The following IMMP2L variants were observed in gnomAD, a reference collection of about 807,000 sequenced individuals.
The protein encoded by IMMP2L is mitochondrial inner membrane protease subunit 2.
In IMMP2L, 18 loss-of-function variants were observed where a neutral mutation model predicts 19.3. That is an observed-to-expected ratio of 0.93 (90% CI 0.64 to 1.38). The LOEUF (loss-of-function observed/expected upper bound fraction) is 1.38, where lower values mean the gene tolerates loss of function less well. IMMP2L is among the 40% of genes most tolerant of loss of function. IMMP2L has a pLI of 0.00. For missense variants in IMMP2L, 233 were observed against 218.2 expected (o/e 1.07, Z -0.43); for synonymous variants, 76 against 73.0 (o/e 1.04, Z -0.21).
At chr7:110,681,836 C>A (rs1295985258) in intron 5 of IMMP2L, among the ~76,000 whole-genome samples, 2 of 151,744 alleles carry the variant, frequency 1.3e-5, no homozygotes, top group Admixed American at 1.3e-4. Flanking sequence ...GTAATTCAAG[C>A]CATTGAAGGA....
chr7:111,119,092 TAAAG>T (rs1426770505), intron 3 of IMMP2L, among the ~76,000 whole-genome samples: 1 of 152,148 alleles, frequency 6.6e-6, no homozygotes, highest in Non-Finnish European at 1.5e-5. Flanking sequence ...CTAGTTAACT[TAAAG>T]AAGGATATAG....
At position 110,962,623 on chromosome 7, in the gene IMMP2L, G is replaced by C. The variant is rs913878758; in HGVS notation, c.305+877C>G. 13 of 473,260 alleles carry C rather than the reference G, an allele frequency of 2.7e-5. No individual in the cohort carries two copies. The African/African-American group carries it at 4.2e-4, about 15-fold the overall frequency. The allele number at this position is 473,260 out of a possible 1,614,324, so 29.3% of individuals were successfully genotyped here. A position where few individuals can be genotyped will look rare whatever the true frequency, so the allele number is the denominator to read the frequency against. On this transcript the variant is annotated intron_variant, in intron 4 of 5. Transcript: ENST00000405709. ...GTAACACTTTAGTATTATTAGGAAA[G>C]TAGTTTTAATCTCATAGGCCCCCAG...
intron 5 of IMMP2L, among the ~76,000 whole-genome samples, chr7:110,771,723 C>T (rs1469385790): frequency 1.3e-5 from 2 of 152,232 alleles, no homozygotes; most frequent in East Asian, 1.9e-4. Flanking sequence ...CAAAACCCAA[C>T]GAAGACTCCT....
At chr7:111,067,322 T>C (rs1463213783) in intron 3 of IMMP2L, among the ~76,000 whole-genome samples, 2 of 152,228 alleles carry the variant, frequency 1.3e-5, no homozygotes, top group Non-Finnish European at 2.9e-5. Context: ...AACTCTCATA[T>C]CTACCACAGT....
chr7:111,469,167 A>G (rs1840969641), intron 3 of IMMP2L, among the ~76,000 whole-genome samples: 1 of 152,068 alleles, frequency 6.6e-6, no homozygotes, highest in Non-Finnish European at 1.5e-5. Context: ...GCCTTGTAGT[A>G]TAGTTTGAAG....
At chr7:110,905,568 T>G (rs1356568548) in intron 4 of IMMP2L, among the ~76,000 whole-genome samples, 1 of 152,200 alleles carries the variant, frequency 6.6e-6, no homozygotes. Flanking sequence ...TAAATAGAAC[T>G]TATCAGGTAA....
chr7:111,026,701 C>A (rs182820002), intron 3 of IMMP2L, among the ~76,000 whole-genome samples: 107 of 152,168 alleles, frequency 7.0e-4, no homozygotes, highest in African/African-American at 2.4e-3. Flanking sequence ...GAAATGGAAT[C>A]AATTTTTATT....
chr7:111,473,975 A>C (rs1417283366), intron 3 of IMMP2L, among the ~76,000 whole-genome samples: 1 of 152,170 alleles, frequency 6.6e-6, no homozygotes, highest in Non-Finnish European at 1.5e-5. Context: ...TACACCATGG[A>C]GTACTACACA....
chr7:111,225,987 T>A (rs1586919213), intron 3 of IMMP2L, among the ~76,000 whole-genome samples: 1 of 152,186 alleles, frequency 6.6e-6, no homozygotes, highest in East Asian at 1.9e-4. Flanking sequence ...AGTATGAACA[T>A]CTACCTCATT....
At chr7:110,913,396 A>G (rs1290344660) in intron 4 of IMMP2L, among the ~76,000 whole-genome samples, 2 of 152,146 alleles carry the variant, frequency 1.3e-5, no homozygotes, top group Non-Finnish European at 2.9e-5. Flanking sequence ...ATTCTGCTAT[A>G]TAAGAGCAGA....
At chr7:111,454,869 T>C (rs1839548161) in intron 3 of IMMP2L, among the ~76,000 whole-genome samples, 1 of 152,040 alleles carries the variant, frequency 6.6e-6, no homozygotes, top group South Asian at 2.1e-4. Flanking sequence ...GGAGAAACCA[T>C]AAGAAAACAT....
intron 3 of IMMP2L, among the ~76,000 whole-genome samples, chr7:111,009,633 T>C (rs1279598225): frequency 6.6e-6 from 1 of 152,122 alleles, no homozygotes; most frequent in African/African-American, 2.4e-5. Flanking sequence ...ATATGTTATA[T>C]ATGGCTTTAA....
At position 111,059,018 on chromosome 7, in the gene IMMP2L, T is replaced by C. The variant is rs544822125; in HGVS notation, c.240-95453A>G. ...TTTATTTTGAGATGGAGTCTTGCAC[T>C]GTCGCTGCGGCTGGAGTGCAGTGGC... is the stretch of plus-strand genomic sequence containing the variant. On this transcript the variant is annotated intron_variant, in intron 3 of 5. Transcript: ENST00000405709. Among the ~76,000 whole-genome samples the C allele has an allele frequency of 4.6e-5, 7 of 152,264 alleles. No individual in the cohort carries two copies. In the South Asian group the frequency reaches 1.2e-3, roughly 27 times the overall value.
intron 3 of IMMP2L, among the ~76,000 whole-genome samples, chr7:111,036,436 T>C (rs1027974985): frequency 6.6e-6 from 1 of 152,176 alleles, no homozygotes; most frequent in Non-Finnish European, 1.5e-5. Context: ...AATATTCTGA[T>C]TCAATAAATC....
chr7:110,842,151 CA>C (rs1343107455), intron 5 of IMMP2L, among the ~76,000 whole-genome samples: 1 of 152,134 alleles, frequency 6.6e-6, no homozygotes, highest in Non-Finnish European at 1.5e-5. Flanking sequence ...GTAGCTTCTC[CA>C]AAAATTTCCT....
intron 1 of IMMP2L, among the ~76,000 whole-genome samples, chr7:111,559,898 G>C (rs957698752): frequency 6.6e-6 from 1 of 152,092 alleles, no homozygotes; most frequent in African/African-American, 2.4e-5. Context: ...GACTGTAAAA[G>C]TCATGCTACT....
In IMMP2L at chr7:110,909,926, C is replaced by CAGAGAGAGAGAGAGAGAG. The variant is rs139251144; in HGVS notation, c.306-23249_306-23232dup. 2.1e-3 allele frequency among the ~76,000 whole-genome samples: 305 copies of CAGAGAGAGAGAGAGAGAG among 145,808 alleles called. 5 individuals are homozygous for CAGAGAGAGAGAGAGAGAG. Among genetic ancestry groups the CAGAGAGAGAGAGAGAGAG allele is most frequent in the African/African-American group, 7.4e-3 (296 of 39,788 alleles). ...AGAGAGAAAGAGAGAGAGAGATAGA[C>CAGAGAGAGAGAGAGAGAG]AGAGAGAGAGAGAGAGAGAGAGAGA... On this transcript the variant is annotated intron_variant, in intron 4 of 5. Transcript: ENST00000405709.
rs141081894 is a variant in IMMP2L, at chr7:111,109,778, G to C, written c.240-146213C>G. 3.4e-3 allele frequency among the ~76,000 whole-genome samples: 511 copies of C among 152,260 alleles called. 2 individuals are homozygous for C. The highest frequency in any genetic ancestry group is 4.2e-3 in the Non-Finnish European group (288 of 68,012). On this transcript the variant is annotated intron_variant, in intron 3 of 5. Coordinates refer to ENST00000405709, the MANE Select transcript of IMMP2L (RefSeq NM_032549.4). The stretch of plus-strand genomic sequence containing the variant: ...CAATATGACTGTGACTACTATCGCT[G>C]TTTTCATTGTTTGTTGCTATTGTTA...
At chr7:111,028,104 A>G (rs1193942960) in intron 3 of IMMP2L, among the ~76,000 whole-genome samples, 1 of 152,162 alleles carries the variant, frequency 6.6e-6, no homozygotes, top group Non-Finnish European at 1.5e-5. Flanking sequence ...AAGTTCAAAA[A>G]CAAATGGAAG....
Sources: allele counts gnomAD v4.1 joint callset (sites outside exome capture counted in the v4.1 genomes callset), GRCh38; gene constraint gnomAD v4.1.1; transcripts MANE v1.5; gene names NCBI Gene and HGNC (gene_info 2026-07-23, HGNC 2026-07-21).